The following EEPD1 variants were observed in gnomAD, a reference collection of about 807,000 sequenced individuals.
EEPD1 encodes endonuclease/exonuclease/phosphatase family domain-containing protein 1.
A neutral mutation model predicts 46.3 loss-of-function variants in EEPD1; 17 were observed. The observed-to-expected ratio is 0.37, with a 90% CI of 0.25 to 0.55. The LOEUF (loss-of-function observed/expected upper bound fraction) is 0.55, where lower values mean the gene tolerates loss of function less well. EEPD1 is among the 20% of genes least tolerant of loss of function. EEPD1 has a pLI of 0.83. For missense variants in EEPD1, 673 were observed against 745.6 expected (o/e 0.90, Z 1.13); for synonymous variants, 313 against 315.6 (o/e 0.99, Z 0.09).
intron 2 of EEPD1, among the ~76,000 whole-genome samples, chr7:36,188,839 A>G (rs774573865): frequency 4.6e-5 from 7 of 152,154 alleles, no homozygotes; most frequent in Non-Finnish European, 1.0e-4. Flanking sequence ...GAGTAAATGA[A>G]TGCTTATGAG....
At chr7:36,248,071 AC>A (rs1786668956) in intron 3 of EEPD1, among the ~76,000 whole-genome samples, 1 of 152,140 alleles carries the variant, frequency 6.6e-6, no homozygotes. Context: ...GAGACCATCC[AC>A]CTAGCAGGTT....
chr7:36,197,721 TC>T (rs1302741464), intron 2 of EEPD1, among the ~76,000 whole-genome samples: 1 of 151,980 alleles, frequency 6.6e-6, no homozygotes, highest in Non-Finnish European at 1.5e-5. Context: ...GGCAGCATGC[TC>T]GTTAAGAGTC....
At chr7:36,172,411 G>A (rs1346136366) in intron 2 of EEPD1, among the ~76,000 whole-genome samples, 1 of 152,130 alleles carries the variant, frequency 6.6e-6, no homozygotes, top group East Asian at 1.9e-4. Context: ...ACATGTGGAG[G>A]TTCCTAGAGG....
intron 2 of EEPD1, among the ~76,000 whole-genome samples, chr7:36,182,786 C>A (rs1480324653): frequency 6.6e-6 from 1 of 152,200 alleles, no homozygotes; most frequent in Non-Finnish European, 1.5e-5. Context: ...GTGATGGACA[C>A]GGGACCAATT....
At chr7:36,251,996 G>A (rs147022818) in intron 3 of EEPD1, among the ~76,000 whole-genome samples, 7 of 152,254 alleles carry the variant, frequency 4.6e-5, no homozygotes, top group Middle Eastern at 3.4e-3. Flanking sequence ...AATCCTGCTC[G>A]GAGCTTAGCT....
rs545261289 is a variant in EEPD1, at chr7:36,221,893, T to C, written c.879-17092T>C. Among the ~76,000 whole-genome samples, 4 of 152,354 alleles carry C rather than the reference T, an allele frequency of 2.6e-5. No individual in the cohort carries two copies. The South Asian group carries it at 8.3e-4, about 32-fold the overall frequency. ...CAATCTCTGATCAAATGCCTTTTTA[T>C]GGGACAGGTCCTCTGTGTCCCCCCC... is the stretch of plus-strand genomic sequence containing the variant. On this transcript the variant is annotated intron_variant, in intron 2 of 7. Coordinates refer to ENST00000242108, the MANE Select transcript of EEPD1 (RefSeq NM_030636.3).
chr7:36,155,065 C>T lies in EEPD1; in HGVS notation c.741C>T (p.Ser247=), dbSNP rs200979746. The T allele has an allele frequency of 2.5e-5, 40 of 1,593,846 alleles. No homozygotes were observed. Among genetic ancestry groups the T allele is most frequent in the Middle Eastern group, 1.7e-4 (1 of 5,954 alleles). Residue 247 remains serine, a synonymous_variant, in exon 2 of 8, where the codon TCC becomes TCT. Transcript: ENST00000242108. ...GPTQIISTRP[S]VEAFGGTRDG... is the part of the protein sequence containing the mutation. ...CCCAGATTATCTCCACTCGGCCGTCCGTGGAGGCCTTTGGAGGCACAAGGG... is the reference window on the plus strand; with the variant it reads ...CCCAGATTATCTCCACTCGGCCGTCTGTGGAGGCCTTTGGAGGCACAAGGG...
chr7:36,240,988 G>A (rs1462971442), intron 3 of EEPD1, among the ~76,000 whole-genome samples: 2 of 152,160 alleles, frequency 1.3e-5, no homozygotes, highest in Non-Finnish European at 2.9e-5. Context: ...ATGTATATAT[G>A]TCAGACAGAT....
At chr7:36,243,888 G>T (rs532210531) in intron 3 of EEPD1, among the ~76,000 whole-genome samples, 1 of 147,390 alleles carries the variant, frequency 6.8e-6, no homozygotes, top group Non-Finnish European at 1.5e-5. Flanking sequence ...CACACTCTGG[G>T]GACTGTTGTG....
intron 7 of EEPD1, 106 bp from the exon 8 acceptor site, chr7:36,298,901 C>G: frequency 1.5e-6 from 2 of 1,362,740 alleles, no homozygotes; most frequent in East Asian, 4.6e-5. Context: ...TCTCCGGGCA[C>G]CCCGGCCTGC....
intron 2 of EEPD1, among the ~76,000 whole-genome samples, chr7:36,202,651 C>T (rs1186310765): frequency 2.0e-5 from 3 of 152,164 alleles, no homozygotes; most frequent in African/African-American, 7.2e-5. Context: ...TTAATCTAAG[C>T]TAACGTTTCT....
chr7:36,219,806 A>AGT lies in EEPD1; in HGVS notation c.879-19146_879-19145dup, dbSNP rs70977121. ...GAGAGAGAGAGAGAGAGAGAGAGAGAGTGTGTGTGTGTGTGTGTGTGTGTG... is the reference window on the plus strand; with the variant it reads ...GAGAGAGAGAGAGAGAGAGAGAGAGAGTGTGTGTGTGTGTGTGTGTGTGTGTG... On this transcript the variant is annotated intron_variant, in intron 2 of 7. Coordinates refer to ENST00000242108, the MANE Select transcript of EEPD1 (RefSeq NM_030636.3). Among the ~76,000 whole-genome samples the AGT allele has an allele frequency of 3.6e-3, 270 of 75,418 alleles. 2 individuals are homozygous for AGT. Among genetic ancestry groups the AGT allele is most frequent in the East Asian group, 0.015 (35 of 2,288 alleles). The allele number at this position is 75,418 out of a possible 152,430, so 49.5% of individuals were successfully genotyped here.
intron 2 of EEPD1, among the ~76,000 whole-genome samples, chr7:36,176,366 C>G (rs2700920): frequency 0.18 from 27,654 of 152,138 alleles, 2,797 homozygotes; most frequent in Middle Eastern, 0.23. Flanking sequence ...TTGGAAGAAG[C>G]AAAGAAGAGG....
At chr7:36,251,142 C>G (rs1305698393) in intron 3 of EEPD1, among the ~76,000 whole-genome samples, 1 of 152,210 alleles carries the variant, frequency 6.6e-6, no homozygotes, top group Non-Finnish European at 1.5e-5. Flanking sequence ...TTATAGACAT[C>G]TATGCTCCCA....
At chr7:36,275,561 C>T (rs1179318421) in intron 3 of EEPD1, among the ~76,000 whole-genome samples, 1 of 152,206 alleles carries the variant, frequency 6.6e-6, no homozygotes, top group Non-Finnish European at 1.5e-5. Context: ...AGTCTCCTGC[C>T]TCAGCTTCCT....
intron 2 of EEPD1, among the ~76,000 whole-genome samples, chr7:36,222,810 C>T (rs1488349813): frequency 6.6e-6 from 1 of 152,146 alleles, no homozygotes; most frequent in Non-Finnish European, 1.5e-5. Context: ...ACTAAACCCT[C>T]ATGTCCTAAT....
chr7:36,210,624 A>G (rs1785910550), intron 2 of EEPD1, among the ~76,000 whole-genome samples: 1 of 152,000 alleles, frequency 6.6e-6, no homozygotes, highest in Non-Finnish European at 1.5e-5. Flanking sequence ...CTGGCCTTTG[A>G]CACCTCCTCC....
intron 2 of EEPD1, among the ~76,000 whole-genome samples, chr7:36,211,076 A>C (rs995153693): frequency 6.6e-6 from 1 of 152,208 alleles, no homozygotes; most frequent in Non-Finnish European, 1.5e-5. Flanking sequence ...CGAGCCTGTC[A>C]CACAGAGTCA....
chr7:36,175,241 A>T (rs1785156346), intron 2 of EEPD1, among the ~76,000 whole-genome samples: 5 of 152,350 alleles, frequency 3.3e-5, no homozygotes, highest in Admixed American at 2.0e-4. Context: ...ACTTGATTTA[A>T]CAGCCCTCAC....
Sources: gnomAD v4.1 joint callset for allele counts (sites outside exome capture counted in the v4.1 genomes callset) on GRCh38, gnomAD v4.1.1 for gene constraint, MANE v1.5 for transcripts, NCBI Gene and HGNC (gene_info 2026-07-23, HGNC 2026-07-21) for gene names.